Variants in SVOP observed in about 807,000 individuals in gnomAD.
SVOP encodes the protein synaptic vesicle 2-related protein.
In SVOP, 17 loss-of-function variants were observed where a neutral mutation model predicts 69.1. The ratio of observed to expected loss-of-function variants is 0.25; its 90% CI spans 0.17 to 0.37. The LOEUF (loss-of-function observed/expected upper bound fraction) is 0.37, where lower values mean the gene tolerates loss of function less well. Ranked by LOEUF, SVOP falls within the 10% of genes least tolerant of loss-of-function variation. The pLI is 1.00. For synonymous variants in SVOP, 238 were observed against 238.6 expected (o/e 1.00, Z 0.02); for missense variants, 435 against 597.5 (o/e 0.73, Z 2.84).
chr12:108,935,156 C>A (rs1359484161), intron 10 of SVOP, among the ~76,000 whole-genome samples: 1 of 152,184 alleles, frequency 6.6e-6, no homozygotes, highest in Non-Finnish European at 1.5e-5. Flanking sequence ...CCATTAATAT[C>A]TTTTAGGGCT....
At chr12:108,930,435 CTTTTT>C (rs35584030) in intron 11 of SVOP, among the ~76,000 whole-genome samples, 24 of 117,594 alleles carry the variant, frequency 2.0e-4, no homozygotes, top group South Asian at 2.8e-4. Context: ...CAGTTGATTG[CTTTTT>C]TTTTTTTTTT....
In SVOP at chr12:108,912,518, C is replaced by G; in HGVS notation, c.*17G>C. The G allele has an allele frequency of 1.2e-6, 2 of 1,613,762 alleles. No homozygotes were observed. The highest frequency in any genetic ancestry group is 1.7e-4 in the Middle Eastern group (1 of 6,056). On this transcript the variant is annotated 3_prime_UTR_variant, in exon 16 of 16. Coordinates refer to ENST00000610966, the MANE Select transcript of SVOP (RefSeq NM_018711.5). ...AGCTCTGCAGCCTCAAAGACCAGCTCAGTCCCCCATCGGTCACTATTCCTG... is the reference window on the plus strand; with the variant it reads ...AGCTCTGCAGCCTCAAAGACCAGCTGAGTCCCCCATCGGTCACTATTCCTG...
intron 1 of SVOP, among the ~76,000 whole-genome samples, chr12:108,997,265 C>G (rs1389642075): frequency 6.6e-6 from 1 of 152,014 alleles, no homozygotes; most frequent in Non-Finnish European, 1.5e-5. Context: ...GCTTAAAAAA[C>G]GGCGCACCAC....
chr12:108,912,565 A>G lies in SVOP; in HGVS notation c.1617T>C (p.Val539=). ...CCTGAGAGCCAGAGTTCGACCTGGTAACACCTGCACCGTGCATTCCTCGGC... is the reference window on the plus strand; with the variant it reads ...CCTGAGAGCCAGAGTTCGACCTGGTGACACCTGCACCGTGCATTCCTCGGC... ...MVGRGMHGAG[V]TRSNSGSQE is the part of the protein sequence containing the mutation. Residue 539 remains valine (V), a synonymous_variant, in exon 16 of 16, where the codon GTT becomes GTC. Coordinates refer to ENST00000610966, the MANE Select transcript of SVOP (RefSeq NM_018711.5). 2 of 1,613,754 alleles carry G rather than the reference A, an allele frequency of 1.2e-6. No individual in the cohort carries two copies. Among genetic ancestry groups the G allele is most frequent in the Non-Finnish European group, 1.7e-6 (2 of 1,179,736 alleles).
chr12:108,978,207 G>A (rs1282994943), intron 3 of SVOP, among the ~76,000 whole-genome samples: 1 of 152,176 alleles, frequency 6.6e-6, no homozygotes, highest in African/African-American at 2.4e-5. Context: ...CCATAGCCAG[G>A]GGATTTGAAT....
chr12:108,965,558 CTTTATT>C (rs996155473), intron 5 of SVOP, among the ~76,000 whole-genome samples: 3 of 152,288 alleles, frequency 2.0e-5, no homozygotes, highest in Non-Finnish European at 2.9e-5. Context: ...AAACACATAA[CTTTATT>C]TTTATGCAAG....
rs1237783560 is a variant in SVOP, at chr12:108,972,394, G to A, written c.453+11C>T. ...AGAGGACATGCGTTTAGAAGAGTAAGTTTGCCTTACTGTTTTCCTGCCGTA... is the reference window on the plus strand; with the variant it reads ...AGAGGACATGCGTTTAGAAGAGTAAATTTGCCTTACTGTTTTCCTGCCGTA... On this transcript the variant is annotated intron_variant, in intron 5 of 15. Coordinates refer to ENST00000610966, the MANE Select transcript of SVOP (RefSeq NM_018711.5). 5.2e-6 allele frequency: 8 copies of A among 1,536,968 alleles called. No individual in the cohort carries two copies. Among genetic ancestry groups the A allele is most frequent in the Non-Finnish European group, 6.1e-6 (7 of 1,146,850 alleles).
chr12:108,912,827 G>A (rs1390208218), intron 15 of SVOP, 86 bp from the exon 16 acceptor site: 1 of 1,319,082 alleles, frequency 7.6e-7, no homozygotes, highest in Non-Finnish European at 1.1e-6. Flanking sequence ...GTAACATCAG[G>A]CCCTCTCGTG....
chr12:108,936,845 T>G, intron 10 of SVOP: 1 of 181,684 alleles, frequency 5.5e-6, no homozygotes, highest in Non-Finnish European at 1.2e-5. Flanking sequence ...CTTTTGCTGA[T>G]ATTTCTCTTT....
At chr12:108,939,704 T>G (rs372011558) in intron 8 of SVOP, among the ~76,000 whole-genome samples, 2 of 152,182 alleles carry the variant, frequency 1.3e-5, no homozygotes, top group Admixed American at 6.5e-5. Flanking sequence ...ACCAACATTC[T>G]GTTTCCTTTT....
intron 13 of SVOP, among the ~76,000 whole-genome samples, chr12:108,918,841 T>C (rs545737959): frequency 1.6e-4 from 24 of 152,162 alleles, no homozygotes; most frequent in Non-Finnish European, 3.1e-4. Context: ...AAATATGGCA[T>C]CATTAGAGCA....
intron 11 of SVOP, among the ~76,000 whole-genome samples, 198 bp from the exon 12 acceptor site, chr12:108,922,995 C>T (rs1055265850): frequency 3.9e-5 from 6 of 152,172 alleles, no homozygotes; most frequent in Admixed American, 3.3e-4. Context: ...TGAGTTTCCT[C>T]ATAAAACTGG....
chr12:108,913,796 A>G (rs10778661), intron 15 of SVOP, among the ~76,000 whole-genome samples: 124,798 of 152,148 alleles, frequency 0.82, 51,443 homozygotes, highest in East Asian at 1. Context: ...CTACAGGCAT[A>G]TGCCACCATG....
At chr12:109,014,299 G>A (rs929580446) in intron 1 of SVOP, among the ~76,000 whole-genome samples, 5 of 152,164 alleles carry the variant, frequency 3.3e-5, no homozygotes, top group Non-Finnish European at 7.3e-5. Context: ...ACAGGCATGA[G>A]CCACTGCACC....
chr12:108,973,487 G>C (rs573621496), intron 4 of SVOP, among the ~76,000 whole-genome samples: 1 of 152,152 alleles, frequency 6.6e-6, no homozygotes, highest in Non-Finnish European at 1.5e-5. Flanking sequence ...AGCCTCCTGG[G>C]CTCAAGTGAT....
chr12:108,912,226 G>A lies in SVOP; in HGVS notation c.*309C>T, dbSNP rs967309097. 3.0e-5 allele frequency: 38 copies of A among 1,249,214 alleles called. No homozygotes were observed. The highest frequency in any genetic ancestry group is 3.7e-5 in the Non-Finnish European group (37 of 990,630). The allele number at this position is 1,249,214 out of a possible 1,614,324, so 77.4% of individuals were successfully genotyped here. A position where few individuals can be genotyped will look rare whatever the true frequency, so the allele number is the denominator to read the frequency against. On this transcript the variant is annotated 3_prime_UTR_variant, in exon 16 of 16. Transcript: ENST00000610966. ...TGAGGGTTTGGCCGGGTGACTCTGG[G>A]TGGTGTCTGATTGGTTGCTGGCATT...
At chr12:108,938,759 A>G (rs2039870954) in intron 9 of SVOP, 68 bp downstream of exon 9, 2 of 1,607,568 alleles carry the variant, frequency 1.2e-6, no homozygotes, top group Non-Finnish European at 1.7e-6. Flanking sequence ...GCCCTACTCC[A>G]TATGCACACA....
At chr12:109,020,623 C>A (rs897605393) in intron 1 of SVOP, among the ~76,000 whole-genome samples, 11 of 151,926 alleles carry the variant, frequency 7.2e-5, no homozygotes, top group African/African-American at 2.7e-4. Context: ...CCTGACAGAT[C>A]TGATAAATGG....
intron 6 of SVOP, among the ~76,000 whole-genome samples, chr12:108,947,491 C>T (rs1477229153): frequency 6.6e-6 from 1 of 152,150 alleles, no homozygotes; most frequent in Non-Finnish European, 1.5e-5. Flanking sequence ...TCTAAACTTC[C>T]CCACTTCCAT....
Sources: gnomAD v4.1 joint callset for allele counts (sites outside exome capture counted in the v4.1 genomes callset) on GRCh38, gnomAD v4.1.1 for gene constraint, MANE v1.5 for transcripts, NCBI Gene and HGNC (gene_info 2026-07-23, HGNC 2026-07-21) for gene names.